VKORC1L1: variants seen among roughly 807,000 people sequenced by gnomAD.
VKORC1L1 encodes vitamin K epoxide reductase complex subunit 1L1, also known as vitamin K epoxide reductase complex subunit 1-like protein 1.
In VKORC1L1, 2 loss-of-function variants were observed where a neutral mutation model predicts 18.9. That is an observed-to-expected ratio of 0.11 (90% CI 0.04 to 0.33). The LOEUF (loss-of-function observed/expected upper bound fraction) is 0.33, where lower values mean the gene tolerates loss of function less well. Among genes scored for constraint, VKORC1L1 ranks in the 10% least tolerant of loss-of-function variants. The probability of loss-of-function intolerance (pLI) is 1.00; values close to 1 mark genes in which losing one functional copy is unlikely to be tolerated. For synonymous variants in VKORC1L1, 96 were observed against 100.0 expected (o/e 0.96, Z 0.24); for missense variants, 123 against 224.1 (o/e 0.55, Z 2.88).
intron 1 of VKORC1L1, among the ~76,000 whole-genome samples, chr7:65,926,767 C>T (rs765344592): frequency 6.6e-6 from 1 of 152,152 alleles, no homozygotes; most frequent in East Asian, 1.9e-4. Context: ...GAATACTACT[C>T]AGCCATAAAA....
At chr7:65,898,934 T>C (rs776594276) in intron 1 of VKORC1L1, among the ~76,000 whole-genome samples, 1 of 152,336 alleles carries the variant, frequency 6.6e-6, no homozygotes, top group South Asian at 2.1e-4. Flanking sequence ...CTTTTGTAAC[T>C]GGTTTGTTTC....
chr7:65,870,007 A>G (rs1240892748), upstream of VKORC1L1, among the ~76,000 whole-genome samples: 2 of 151,480 alleles, frequency 1.3e-5, no homozygotes, highest in Non-Finnish European at 2.9e-5. Context: ...GTGGTGAAAT[A>G]ATTAACCTCT....
chr7:65,877,786 T>C (rs1037667321), intron 1 of VKORC1L1, among the ~76,000 whole-genome samples: 3 of 152,138 alleles, frequency 2.0e-5, no homozygotes, highest in Admixed American at 1.3e-4. Context: ...ACTGTAAAAA[T>C]AGTCTGGTTG....
At chr7:65,897,068 C>T (rs543864469) in intron 1 of VKORC1L1, among the ~76,000 whole-genome samples, 4 of 152,278 alleles carry the variant, frequency 2.6e-5, no homozygotes, top group South Asian at 4.1e-4. Context: ...AAAATTGGGA[C>T]TCCAGTGATA....
At chr7:65,921,410 A>C (rs981059460) in intron 1 of VKORC1L1, among the ~76,000 whole-genome samples, 2 of 152,004 alleles carry the variant, frequency 1.3e-5, no homozygotes, top group Non-Finnish European at 2.9e-5. Flanking sequence ...TTTAGAGACA[A>C]GGTCTTGCTG....
intron 1 of VKORC1L1, among the ~76,000 whole-genome samples, chr7:65,920,271 G>A (rs937231086): frequency 6.6e-6 from 1 of 152,154 alleles, no homozygotes; most frequent in African/African-American, 2.4e-5. Context: ...CTCCATGAGA[G>A]GGTAGACACC....
intron 1 of VKORC1L1, among the ~76,000 whole-genome samples, chr7:65,919,548 A>G (rs1373827588): frequency 6.6e-6 from 1 of 151,938 alleles, no homozygotes. Context: ...TTCTTGCCTC[A>G]TGCTGCACAT....
intron 1 of VKORC1L1, among the ~76,000 whole-genome samples, chr7:65,893,653 CA>C (rs1421264039): frequency 1.3e-5 from 2 of 151,796 alleles, no homozygotes; most frequent in Non-Finnish European, 2.9e-5. Context: ...GATTCCATCT[CA>C]AAAAAAGTAA....
At chr7:65,941,318 G>A (rs1199365006) in intron 1 of VKORC1L1, among the ~76,000 whole-genome samples, 1 of 151,898 alleles carries the variant, frequency 6.6e-6, no homozygotes, top group Non-Finnish European at 1.5e-5. Flanking sequence ...GTCTCATAAT[G>A]TTGCCCAGGC....
rs947289414 is a variant in VKORC1L1, at chr7:65,956,748, G to A, written c.*2448G>A. 1.3e-5 allele frequency: 2 copies of A among 152,082 alleles called. No individual in the cohort carries two copies. Among genetic ancestry groups the A allele is most frequent in the Non-Finnish European group, 2.9e-5 (2 of 68,028 alleles). The allele number at this position is 152,082 out of a possible 1,614,324, so 9.4% of individuals were successfully genotyped here. ...CTCCGATTCTGCCCAGAAGAGGGGG[G>A]GAATCACCAGTGTTACAAAATTAGA... On this transcript the variant is annotated 3_prime_UTR_variant, in exon 3 of 3. Coordinates refer to ENST00000360768, the MANE Select transcript of VKORC1L1 (RefSeq NM_173517.6).
At chr7:65,929,730 A>AT (rs1179793267) in intron 1 of VKORC1L1, among the ~76,000 whole-genome samples, 7 of 134,186 alleles carry the variant, frequency 5.2e-5, no homozygotes, top group East Asian at 4.4e-4. Context: ...ACTTTTAAAA[A>AT]TTTTTTTTTG....
chr7:65,872,354 C>T (rs1439664476), upstream of VKORC1L1, among the ~76,000 whole-genome samples: 6 of 151,934 alleles, frequency 3.9e-5, no homozygotes, highest in Non-Finnish European at 7.4e-5. Flanking sequence ...ACTCTATCGC[C>T]CAGGCTGGAG....
Position 65,895,474 on chromosome 7 carries a change from AAAAAAAATATATATATATATAT to A in VKORC1L1, c.194+21911_194+21932del, listed in dbSNP as rs1342072425. The stretch of plus-strand genomic sequence containing the variant: ...GTGAGAAAAAAAAAAAAAAAAAAAA[AAAAAAAATATATATATATATAT>A]ATATATATATATATATATATACACA... On this transcript the variant is annotated intron_variant, in intron 1 of 2. Transcript: ENST00000360768. 3.1e-4 allele frequency among the ~76,000 whole-genome samples: 14 copies of A among 45,118 alleles called. No homozygotes were observed. The East Asian group carries it at 4.3e-3, about 14-fold the overall frequency. The allele number at this position is 45,118 out of a possible 152,430, so 29.6% of individuals were successfully genotyped here.
chr7:65,910,860 A>G (rs1389553051), intron 1 of VKORC1L1, among the ~76,000 whole-genome samples: 1 of 152,208 alleles, frequency 6.6e-6, no homozygotes, highest in Non-Finnish European at 1.5e-5. Context: ...TATGGATAAA[A>G]TACTGATCAT....
chr7:65,916,536 G>C (rs1789592220), intron 1 of VKORC1L1, among the ~76,000 whole-genome samples: 1 of 151,836 alleles, frequency 6.6e-6, no homozygotes, highest in Non-Finnish European at 1.5e-5. Context: ...GGGGGAAATG[G>C]AATTAGAAGA....
intron 1 of VKORC1L1, among the ~76,000 whole-genome samples, chr7:65,916,142 A>G (rs1430056643): frequency 1.3e-5 from 2 of 150,638 alleles, no homozygotes; most frequent in Non-Finnish European, 3.0e-5. Context: ...AAGAGGAAAC[A>G]TCCTTTTTGT....
At chr7:65,903,800 T>A (rs1301542460) in intron 1 of VKORC1L1, among the ~76,000 whole-genome samples, 2 of 147,510 alleles carry the variant, frequency 1.4e-5, no homozygotes, top group Admixed American at 1.4e-4. Flanking sequence ...AAAGGCCTAC[T>A]GGAACTTGTT....
chr7:65,942,055 ATGATGCTCC>A (rs1790043863), intron 1 of VKORC1L1, among the ~76,000 whole-genome samples: 6 of 152,142 alleles, frequency 3.9e-5, no homozygotes, highest in Non-Finnish European at 7.3e-5. Flanking sequence ...ATGATGTATA[ATGATGCTCC>A]AATAAAAAGT....
chr7:65,887,038 A>AC (rs1789027194), intron 1 of VKORC1L1, among the ~76,000 whole-genome samples: 1 of 149,466 alleles, frequency 6.7e-6, no homozygotes, highest in Admixed American at 6.7e-5. Flanking sequence ...TTTAGTAGAG[A>AC]TGAGGTTTCA....
Sources: allele counts gnomAD v4.1 joint callset (sites outside exome capture counted in the v4.1 genomes callset), GRCh38; gene constraint gnomAD v4.1.1; transcripts MANE v1.5; gene names NCBI Gene and HGNC (gene_info 2026-07-23, HGNC 2026-07-21).